The following INKA2 variants were observed in gnomAD, a reference collection of about 807,000 sequenced individuals.
The protein encoded by INKA2 is PAK4-inhibitor INKA2.
In INKA2, 3 loss-of-function variants were observed where a neutral mutation model predicts 9.8. The observed-to-expected ratio is 0.31, with a 90% CI of 0.14 to 0.79. The LOEUF is 0.79. Ranked by LOEUF, INKA2 falls within the 30% of genes least tolerant of loss-of-function variation. INKA2 has a pLI of 0.62. For synonymous variants in INKA2, 147 were observed against 143.3 expected (o/e 1.03, Z -0.18); for missense variants, 392 against 384.4 (o/e 1.02, Z -0.17).
chr1:111,749,188 C>A (rs1181145307), intron 1 of INKA2, among the ~76,000 whole-genome samples: 1 of 152,190 alleles, frequency 6.6e-6, no homozygotes, highest in Admixed American at 6.5e-5. Context: ...AAGATAGCTG[C>A]ATGCTCTATG....
chr1:111,740,237 C>T (rs941776688), upstream of INKA2, among the ~76,000 whole-genome samples: 2 of 152,402 alleles, frequency 1.3e-5, no homozygotes, highest in African/African-American at 4.8e-5. Flanking sequence ...GTCAGTCAAC[C>T]TAGCTGACGC....
At chr1:111,747,759 G>A (rs2101394808) in intron 1 of INKA2, 1 of 152,320 alleles carries the variant, frequency 6.6e-6, no homozygotes, top group East Asian at 1.9e-4. Context: ...CAACATTGAA[G>A]GCATCTGAAA....
chr1:111,749,457 CGT>C (rs1557917169), intron 1 of INKA2, among the ~76,000 whole-genome samples: 2 of 151,138 alleles, frequency 1.3e-5, no homozygotes. Context: ...CGCGCGCGCG[CGT>C]GCTAGGGAGC....
At chr1:111,745,658 C>G (rs891936594) in intron 1 of INKA2, 9 of 152,066 alleles carry the variant, frequency 5.9e-5, no homozygotes, top group African/African-American at 2.2e-4. Flanking sequence ...CAGGGCACAC[C>G]TAAGGGAAAT....
In INKA2 at chr1:111,727,137, G is replaced by A; in HGVS notation, c.725C>T (p.Thr242Ile). ...CTTCTTGACCTTCTGTGAGCGGCCG[G>A]TTCGGGACTCAGGGACCATGGGTGT... The part of the protein sequence containing the change: ...WVTPMVPESR[T>I]GRSQKVKKRS... The change falls in exon 2 of 2, where the codon ACC becomes ATC. Residue 242 changes from threonine (T) to isoleucine (I), a missense_variant. Coordinates refer to ENST00000357260, the MANE Select transcript of INKA2 (RefSeq NM_019099.5). 1.2e-6 allele frequency: 2 copies of A among 1,614,204 alleles called. No homozygotes were observed. Among genetic ancestry groups the A allele is most frequent in the Non-Finnish European group, 1.7e-6 (2 of 1,180,044 alleles).
chr1:111,732,387 C>T (rs772612420), intron 1 of INKA2, among the ~76,000 whole-genome samples: 2 of 152,102 alleles, frequency 1.3e-5, no homozygotes, highest in African/African-American at 2.4e-5. Flanking sequence ...AAACCCATCT[C>T]CAGGCTGCAG....
chr1:111,750,449 C>T (rs1663381216), intron 1 of INKA2, among the ~76,000 whole-genome samples: 1 of 152,174 alleles, frequency 6.6e-6, no homozygotes, highest in South Asian at 2.1e-4. Context: ...CTTGATACAA[C>T]ATAAGTTTAT....
chr1:111,722,226 C>G lies in INKA2; in HGVS notation c.*4742G>C, dbSNP rs1662664620. 1 of 152,316 alleles carries G rather than the reference C, an allele frequency of 6.6e-6. No homozygotes were observed. The highest frequency in any genetic ancestry group is 2.4e-5 in the African/African-American group (1 of 41,406). 9.4% of individuals were successfully genotyped at this position (152,316 alleles called of 1,614,324 possible). ...TTTCTCTGGCAGCACCAGCCCGAGC[C>G]CCGAGACCTCTCCTGAAGGTGGGCT... On this transcript the variant is annotated 3_prime_UTR_variant, in exon 2 of 2. Coordinates refer to ENST00000357260, the MANE Select transcript of INKA2 (RefSeq NM_019099.5).
chr1:111,739,049 G>C (rs1010685738), intron 1 of INKA2, 137 bp downstream of exon 1: 2 of 769,038 alleles, frequency 2.6e-6, no homozygotes, highest in African/African-American at 3.5e-5. Flanking sequence ...CTCTGCCTGC[G>C]GGCCCGCGTC....
chr1:111,739,434 G>T (rs1477820092), upstream of INKA2: 1 of 1,444,382 alleles, frequency 6.9e-7, no homozygotes, highest in Non-Finnish European at 9.1e-7. Context: ...CGGTGCTGGG[G>T]GTGGAGGGAA....
At chr1:111,739,898 C>T (rs1663104015), upstream of INKA2, 1 of 152,262 alleles carries the variant, frequency 6.6e-6, no homozygotes, top group Non-Finnish European at 1.5e-5. Context: ...TCCTCGCAGC[C>T]CTGCCCTCGC....
chr1:111,738,932 G>A (rs1663071646), intron 1 of INKA2, among the ~76,000 whole-genome samples: 1 of 152,226 alleles, frequency 6.6e-6, no homozygotes, highest in Non-Finnish European at 1.5e-5. Flanking sequence ...TCACATTTCA[G>A]CCTGGCTGGC....
upstream of INKA2, chr1:111,739,502 C>T: frequency 8.1e-7 from 1 of 1,240,430 alleles, no homozygotes; most frequent in Non-Finnish European, 1.1e-6. Flanking sequence ...GGCAGGGCGG[C>T]CGGGAGGCCG....
chr1:111,727,458 C>G lies in INKA2; in HGVS notation c.404G>C (p.Arg135Pro). 1 of 1,614,254 alleles carries G rather than the reference C, an allele frequency of 6.2e-7. No homozygotes were observed. The highest frequency in any genetic ancestry group is 1.1e-5 in the South Asian group (1 of 91,088). Residue 135 changes from arginine to proline, a missense_variant, in exon 2 of 2, where the codon CGA becomes CCA. Physicochemically the swap from Arg to Pro is moderately radical, Grantham distance 103. Transcript: ENST00000357260. Reference sequence around the variant, plus strand: ...GGAGGTCCAGTCATCCGGTTCCACTCGCTCTGGCCCCTGCTGAGCACAGCT... The same window carrying G: ...GGAGGTCCAGTCATCCGGTTCCACTGGCTCTGGCCCCTGCTGAGCACAGCT... ...HQSCAQQGPE[R>P]VEPDDWTSTL...
chr1:111,746,882 G>A (rs889754234), intron 1 of INKA2: 9 of 152,240 alleles, frequency 5.9e-5, no homozygotes, highest in African/African-American at 1.9e-4. Context: ...ACATCCTCTC[G>A]GTCATTCCAC....
At chr1:111,734,758 G>A (rs757863647) in intron 1 of INKA2, among the ~76,000 whole-genome samples, 8 of 152,170 alleles carry the variant, frequency 5.3e-5, no homozygotes, top group South Asian at 2.1e-4. Flanking sequence ...TCTGCTGTGC[G>A]TGTCCCTATT....
intron 1 of INKA2, among the ~76,000 whole-genome samples, chr1:111,732,264 G>C (rs920289877): frequency 1.3e-5 from 2 of 152,178 alleles, no homozygotes; most frequent in African/African-American, 2.4e-5. Context: ...AGGTCCCCGG[G>C]CTTCCCTTGC....
upstream of INKA2, among the ~76,000 whole-genome samples, chr1:111,741,418 T>G (rs1465361711): frequency 1.3e-5 from 2 of 152,188 alleles, no homozygotes; most frequent in Non-Finnish European, 2.9e-5. Flanking sequence ...GGGCAGAAAT[T>G]CTCCAAGAGA....
chr1:111,750,387 G>A (rs923977660), intron 1 of INKA2, among the ~76,000 whole-genome samples: 1 of 152,210 alleles, frequency 6.6e-6, no homozygotes, highest in Admixed American at 6.5e-5. Flanking sequence ...ATTGAGCAGG[G>A]TCATGAAATA....
Sources: gnomAD v4.1 joint callset for allele counts (sites outside exome capture counted in the v4.1 genomes callset) on GRCh38, gnomAD v4.1.1 for gene constraint, MANE v1.5 for transcripts, NCBI Gene and HGNC (gene_info 2026-07-23, HGNC 2026-07-21) for gene names.